The following GEMIN4 variants were observed in gnomAD, a reference collection of about 807,000 sequenced individuals.
The protein encoded by GEMIN4 is gem nuclear organelle associated protein 4.
A neutral mutation model predicts 76.8 loss-of-function variants in GEMIN4; 59 were observed. The ratio of observed to expected loss-of-function variants is 0.77; its 90% CI spans 0.62 to 0.95. GEMIN4 has a LOEUF of 0.95. GEMIN4 is among the 40% of genes least tolerant of loss of function. The pLI, the probability that GEMIN4 is intolerant of heterozygous loss-of-function variation, is 0.00. For synonymous variants in GEMIN4, 562 were observed against 559.7 expected, an observed-to-expected ratio of 1.00 and a Z score of -0.06; for missense variants, 1,311 against 1,318.9, an observed-to-expected ratio of 0.99 and a Z score of 0.09.
chr17:751,892 G>C (rs1383964214), intron 1 of GEMIN4: 2 of 380,084 alleles, frequency 5.3e-6, no homozygotes, highest in Non-Finnish European at 9.3e-6. Flanking sequence ...CTAACTTCAC[G>C]TCTGCTCCGT....
chr17:752,338 C>G, upstream of GEMIN4: 2 of 1,195,938 alleles, frequency 1.7e-6, no homozygotes, highest in Non-Finnish European at 2.1e-6. Flanking sequence ...GCGCCAAGCG[C>G]ACAGCGCCGC....
Position 745,658 on chromosome 17 carries a change from C to T in GEMIN4, c.2385G>A (p.Lys795=). 6.3e-7 allele frequency: 1 copy of T among 1,596,946 alleles called. No individual in the cohort carries two copies. Among genetic ancestry groups the T allele is most frequent in the Non-Finnish European group, 8.5e-7 (1 of 1,172,214 alleles). ...GGGAGGTCCACTCGTCTTCTGAAAGCTTACAGATCTCAAAAAGTGTGGCTG... is the reference window on the plus strand; with the variant it reads ...GGGAGGTCCACTCGTCTTCTGAAAGTTTACAGATCTCAAAAAGTGTGGCTG... The part of the protein sequence containing the change: ...EVPATLFEIC[K]LSEDEWTSQA... The change falls in exon 2 of 2, where the codon AAG becomes AAA. Residue 795 remains lysine, a synonymous_variant. Coordinates refer to ENST00000319004, the MANE Select transcript of GEMIN4 (RefSeq NM_015721.3). This position sits in a 1 kb window ranked among gnomAD's most constrained non-coding sequence, Gnocchi z 4.6.
chr17:751,753 G>C (rs1275558102), intron 1 of GEMIN4: 1 of 253,898 alleles, frequency 3.9e-6, no homozygotes, highest in Non-Finnish European at 7.5e-6. Flanking sequence ...AAGACACTTG[G>C]AGCGTTAAGA....
rs777866033 is a variant in GEMIN4, at chr17:744,938, T to C, written c.3105A>G (p.Leu1035=). 25 of 1,613,764 alleles carry C rather than the reference T, an allele frequency of 1.5e-5. No individual in the cohort carries two copies. The highest frequency in any genetic ancestry group is 1.7e-5 in the Non-Finnish European group (20 of 1,179,878). The change falls in exon 2 of 2, where the codon TTA becomes TTG. Residue 1035 remains leucine (L), a synonymous_variant. Coordinates refer to ENST00000319004, the MANE Select transcript of GEMIN4 (RefSeq NM_015721.3). ...LLQRAHEQRF[L]KSIAEGIGPE... ...GGCCGATGCCCTCAGCAATGGACTT[T>C]AAGAAGCGCTGCTCGTGTGCCCTCT...
rs2144172348 is a variant in GEMIN4 at position 747,405 on chromosome 17, A to G, written c.638T>C (p.Met213Thr). 6.2e-7 allele frequency: 1 copy of G among 1,613,822 alleles called. No homozygotes were observed. The highest frequency in any genetic ancestry group is 8.5e-7 in the Non-Finnish European group (1 of 1,179,876). ...GCGGAGCAGCATGGCCAACAGGGGCATGGTGGGGCACGCGTCTGGGTCTGA... is the reference window on the plus strand; with the variant it reads ...GCGGAGCAGCATGGCCAACAGGGGCGTGGTGGGGCACGCGTCTGGGTCTGA... ...LRSDPDACPTMPLLAMLLRGL... is the reference protein window; with the variant it reads ...LRSDPDACPTTPLLAMLLRGL... The change falls in exon 2 of 2, where the codon ATG becomes ACG. Residue 213 changes from methionine (M) to threonine (T), a missense_variant. Met to Thr is a moderately conservative substitution (Grantham distance 81). This residue lies in a region of GEMIN4 where 1,208 missense variants were observed against 1,166.9 expected (regional missense o/e 1.04). Coordinates refer to ENST00000319004, the MANE Select transcript of GEMIN4 (RefSeq NM_015721.3).
rs369914416 is a variant in GEMIN4, at chr17:747,381, C to T, written c.662G>A (p.Arg221His). The change falls in exon 2 of 2, where the codon CGC (arginine) becomes CAC (histidine). Residue 221 changes from arginine (R) to histidine (H), a missense_variant. Arg to His is a conservative substitution (Grantham distance 29, BLOSUM62 0). Coordinates refer to ENST00000319004, the MANE Select transcript of GEMIN4 (RefSeq NM_015721.3). ...CCGACTCTGGATCTGTGTCAGCCCG[C>T]GGAGCAGCATGGCCAACAGGGGCAT... ...PTMPLLAMLLRGLTQIQSRIL... is the reference protein window; with the variant it reads ...PTMPLLAMLLHGLTQIQSRIL... The T allele has an allele frequency of 6.5e-5, 105 of 1,613,690 alleles. No individual in the cohort carries two copies. The highest frequency in any genetic ancestry group is 1.3e-4 in the Admixed American group (8 of 60,014).
intron 1 of GEMIN4, among the ~76,000 whole-genome samples, chr17:751,201 C>G (rs1341015640): frequency 2.0e-5 from 3 of 152,186 alleles, no homozygotes; most frequent in Non-Finnish European, 4.4e-5. Flanking sequence ...CAGGTAAGAT[C>G]TCTTCTATTC....
chr17:751,876 A>T (rs1368679530), intron 1 of GEMIN4: 8 of 377,238 alleles, frequency 2.1e-5, no homozygotes, highest in Non-Finnish European at 3.8e-5. Flanking sequence ...GGCGCTTCCA[A>T]GGGCTCTAAC....
Position 746,698 on chromosome 17 carries a change from G to A in GEMIN4, c.1345C>T (p.Arg449Ter), listed in dbSNP as rs774823238. 30 of 1,613,416 alleles carry A rather than the reference G, an allele frequency of 1.9e-5. No homozygotes were observed. Among genetic ancestry groups the A allele is most frequent in the Admixed American group, 6.7e-5 (4 of 59,994 alleles). Residue 449 changes from arginine (R) to a stop codon, truncating the protein, a stop_gained, in exon 2 of 2, where the codon CGA becomes TGA. Transcript: ENST00000319004. LOFTEE classifies it high-confidence loss of function. This position sits in a 1 kb window ranked among gnomAD's most constrained non-coding sequence, Gnocchi z 4.3. ...ACLGSNRALF[R>*]QPDLVLRLLE... ...AGCCTCAACACCAAGTCTGGCTGTC[G>A]GAAGAGGGCCCTGTTACTCCCCAGG...
At chr17:748,135 G>A (rs112417393) in intron 1 of GEMIN4, 103 bp from the exon 2 acceptor site, 11 of 846,362 alleles carry the variant, frequency 1.3e-5, no homozygotes, top group African/African-American at 8.5e-5. Context: ...GGTTTTAAAG[G>A]ACATCAGCGG....
intron 1 of GEMIN4, among the ~76,000 whole-genome samples, chr17:750,983 T>C (rs1379572739): frequency 1.3e-5 from 2 of 152,226 alleles, no homozygotes; most frequent in African/African-American, 4.8e-5. Flanking sequence ...ATTGCATTAT[T>C]GGCTTAGTTG....
At chr17:752,637 G>T (rs879818412), upstream of GEMIN4, 7 of 1,015,252 alleles carry the variant, frequency 6.9e-6, no homozygotes, top group African/African-American at 8.6e-5. Context: ...ACGCGCTCCT[G>T]CCGCGCCGCC....
intron 1 of GEMIN4, chr17:748,264 C>T (rs938537552): frequency 9.4e-6 from 5 of 534,572 alleles, no homozygotes; most frequent in Middle Eastern, 4.5e-4. Context: ...CACCAGGTGA[C>T]ATCACATACA....
chr17:747,345 G>A lies in GEMIN4; in HGVS notation c.698C>T (p.Pro233Leu), dbSNP rs771758502. 27 of 1,613,706 alleles carry A rather than the reference G, an allele frequency of 1.7e-5. No individual in the cohort carries two copies. In the Middle Eastern group the frequency reaches 8.2e-4, roughly 49 times the overall value. ...LTQIQSRILG[P>L]GRKCCALANL... Reference sequence around the variant, plus strand: ...GGCCAGCGCACAGCACTTCCTCCCCGGGCCCAGGATCCGACTCTGGATCTG... The same window carrying A: ...GGCCAGCGCACAGCACTTCCTCCCCAGGCCCAGGATCCGACTCTGGATCTG... Residue 233 changes from proline (P) to leucine (L), a missense_variant, in exon 2 of 2, where the codon CCG (proline) becomes CTG (leucine). Around this residue, in one of 2 missense-constraint regions of GEMIN4, gnomAD observed 1,208 missense variants for 1,166.9 expected, o/e 1.04. Coordinates refer to ENST00000319004, the MANE Select transcript of GEMIN4 (RefSeq NM_015721.3).
chr17:747,265 C>A lies in GEMIN4; in HGVS notation c.778G>T (p.Val260Leu), dbSNP rs1293097997. 6.2e-7 allele frequency: 1 copy of A among 1,613,822 alleles called. No individual in the cohort carries two copies. The change falls in exon 2 of 2, where the codon GTG becomes TTG. Residue 260 changes from valine to leucine, a missense_variant. Transcript: ENST00000319004. Reference sequence around the variant, plus strand: ...TTGTCCAGATACACGGTTGCAGACACCTCCTGGGGGTCGTCCTCTGTCAGC... The same window carrying A: ...TTGTCCAGATACACGGTTGCAGACAACTCCTGGGGGTCGTCCTCTGTCAGC... ...FALTEDDPQE[V>L]SATVYLDKLA...
rs1350879514 is a variant in GEMIN4, at chr17:747,351, A to T, written c.692T>A (p.Leu231Gln). The T allele has an allele frequency of 1.2e-6, 2 of 1,613,640 alleles. No homozygotes were observed. The highest frequency in any genetic ancestry group is 1.7e-6 in the Non-Finnish European group (2 of 1,179,890). ...RGLTQIQSRI[L>Q]GPGRKCCALA... is the part of the protein sequence containing the mutation. ...CGCACAGCACTTCCTCCCCGGGCCC[A>T]GGATCCGACTCTGGATCTGTGTCAG... is the stretch of plus-strand genomic sequence containing the variant. The change falls in exon 2 of 2, where the codon CTG (leucine) becomes CAG (glutamine). Residue 231 changes from leucine to glutamine, a missense_variant. Coordinates refer to ENST00000319004, the MANE Select transcript of GEMIN4 (RefSeq NM_015721.3).
At position 746,244 on chromosome 17, in the gene GEMIN4, G is replaced by A. The variant is rs776242615; in HGVS notation, c.1799C>T (p.Ala600Val). 40 of 1,613,644 alleles carry A rather than the reference G, an allele frequency of 2.5e-5. No individual in the cohort carries two copies. The highest frequency in any genetic ancestry group is 3.1e-5 in the Non-Finnish European group (37 of 1,179,894). ...FVEEQGPNSS[A>V]TFMVSCLKET... ...TTTGAGGCATGACACCATGAAAGTGGCAGATGAATTGGGACCCTGCTCTTC... is the reference window on the plus strand; with the variant it reads ...TTTGAGGCATGACACCATGAAAGTGACAGATGAATTGGGACCCTGCTCTTC... The change falls in exon 2 of 2, where the codon GCC becomes GTC. Residue 600 changes from alanine (A) to valine (V), a missense_variant. Ala to Val is a moderately conservative substitution (Grantham distance 64). Around this residue, in one of 2 missense-constraint regions of GEMIN4, gnomAD observed 1,208 missense variants for 1,166.9 expected, o/e 1.04. Transcript: ENST00000319004. The surrounding 1 kb of genome is among the most constrained non-coding windows in gnomAD (Gnocchi z 4.3).
chr17:752,071 C>A, intron 1 of GEMIN4, 62 bp downstream of exon 1: 1 of 1,120,898 alleles, frequency 8.9e-7, no homozygotes, highest in Non-Finnish European at 1.1e-6. Context: ...CGCGACGGGG[C>A]AGCACCGCTC....
In GEMIN4 at chr17:746,090, C is replaced by G. The variant is rs1444603773; in HGVS notation, c.1953G>C (p.Val651=). ...PVAALLEPDE[V]LKEFVLPFLR... ...AGAAAGGCAGGACAAATTCCTTCAG[C>G]ACCTCGTCTGGCTCAAGAAGAGCAG... Residue 651 remains valine (V), a synonymous_variant, in exon 2 of 2, where the codon GTG becomes GTC. Coordinates refer to ENST00000319004, the MANE Select transcript of GEMIN4 (RefSeq NM_015721.3). The surrounding 1 kb of genome is among the most constrained non-coding windows in gnomAD (Gnocchi z 4.3). The G allele has an allele frequency of 6.2e-7, 1 of 1,613,854 alleles. No homozygotes were observed. The highest frequency in any genetic ancestry group is 8.5e-7 in the Non-Finnish European group (1 of 1,179,900).
Sources: gnomAD v4.1 joint callset for allele counts (sites outside exome capture counted in the v4.1 genomes callset) on GRCh38, gnomAD v4.1.1 for gene constraint, gnomAD v4.1.1 regional missense constraint, Gnocchi (gnomAD v3.1) non-coding constraint, MANE v1.5 for transcripts, NCBI Gene and HGNC (gene_info 2026-07-23, HGNC 2026-07-21) for gene names.